Variants in HTR4 observed in about 807,000 individuals in gnomAD.
The protein encoded by HTR4 is 5-hydroxytryptamine receptor 4.
A neutral mutation model predicts 36.8 loss-of-function variants in HTR4; 16 were observed. The observed-to-expected ratio is 0.43, with a 90% CI of 0.29 to 0.66. The LOEUF is 0.66. Ranked by LOEUF, HTR4 falls within the 30% of genes least tolerant of loss-of-function variation. The pLI is 0.13. For missense variants in HTR4, 438 were observed against 490.9 expected (o/e 0.89, Z 1.02); for synonymous variants, 189 against 185.1 (o/e 1.02, Z -0.17).
chr5:148,557,470 A>G (rs1760006433), intron 2 of HTR4, among the ~76,000 whole-genome samples: 1 of 152,154 alleles, frequency 6.6e-6, no homozygotes, highest in African/African-American at 2.4e-5. Flanking sequence ...GACGTCAAGT[A>G]GGCAATTGGA....
intron 1 of HTR4, among the ~76,000 whole-genome samples, chr5:148,648,036 AATAG>A (rs1165644083): frequency 1.3e-5 from 2 of 152,228 alleles, no homozygotes; most frequent in Admixed American, 6.5e-5. Context: ...TGGATTGGTG[AATAG>A]ATAGACAGAA....
intron 2 of HTR4, among the ~76,000 whole-genome samples, chr5:148,565,390 A>C (rs2113872478): frequency 6.6e-6 from 1 of 152,272 alleles, no homozygotes; most frequent in Admixed American, 6.5e-5. Flanking sequence ...GAAAAGAGAT[A>C]ATGAGTAAGA....
chr5:148,509,811 G>C lies in HTR4; in HGVS notation c.721C>G (p.Gln241Glu). The change falls in exon 6 of 7, where the codon CAG (glutamine) becomes GAG (glutamate). Residue 241 changes from glutamine to glutamate, a missense_variant. Gln to Glu is a conservative substitution (Grantham distance 29). Transcript: ENST00000377888. ...RAGASSESRP[Q>E]SADQHSTHRM... ...TGAGTGCTATGCTGGTCTGCCGACT[G>C]AGGCCTGCTCTCGGAGGAGGCTCCT... 4 of 1,614,026 alleles carry C rather than the reference G, an allele frequency of 2.5e-6. No individual in the cohort carries two copies. The highest frequency in any genetic ancestry group is 3.4e-6 in the Non-Finnish European group (4 of 1,179,994).
intron 4 of HTR4, among the ~76,000 whole-genome samples, chr5:148,546,204 A>G (rs1431623644): frequency 6.6e-6 from 1 of 152,210 alleles, no homozygotes; most frequent in East Asian, 1.9e-4. Flanking sequence ...GCTAGTTACA[A>G]GAAACTGACA....
At chr5:148,592,405 A>T (rs545587843) in intron 2 of HTR4, among the ~76,000 whole-genome samples, 36 of 151,594 alleles carry the variant, frequency 2.4e-4, no homozygotes, top group African/African-American at 6.5e-4. Context: ...AAAAAAAGAA[A>T]TTTTTTTTTA....
chr5:148,611,067 T>A (rs1410644428), intron 2 of HTR4, among the ~76,000 whole-genome samples: 5 of 148,824 alleles, frequency 3.4e-5, no homozygotes, highest in Non-Finnish European at 7.4e-5. Flanking sequence ...TACCTGAAAG[T>A]GATGGGGAGA....
chr5:148,527,406 G>T (rs1188213915), intron 4 of HTR4, among the ~76,000 whole-genome samples: 4 of 152,032 alleles, frequency 2.6e-5, no homozygotes, highest in African/African-American at 4.8e-5. Context: ...CTTGCCCAGG[G>T]CTATTGCCAG....
intron 2 of HTR4, among the ~76,000 whole-genome samples, chr5:148,616,537 C>G (rs1752696352): frequency 6.6e-6 from 1 of 152,202 alleles, no homozygotes; most frequent in Non-Finnish European, 1.5e-5. Flanking sequence ...TTACCCTCTT[C>G]AGTTGCTGTG....
intron 1 of HTR4, among the ~76,000 whole-genome samples, chr5:148,649,127 G>T (rs1439927782): frequency 6.6e-6 from 1 of 152,054 alleles, no homozygotes; most frequent in Non-Finnish European, 1.5e-5. Flanking sequence ...CTCAGGAGTT[G>T]ATAGAAAAAT....
exon 6 of HTR4, chr5:148,451,236 G>C: frequency 1.9e-6 from 3 of 1,613,870 alleles, no homozygotes; most frequent in Non-Finnish European, 2.5e-6. Context: ...GCAGTTTCTC[G>C]AGTTCCTGAT....
chr5:148,503,586 A>G (rs1351813065), intron 6 of HTR4, among the ~76,000 whole-genome samples: 5 of 152,234 alleles, frequency 3.3e-5, no homozygotes, highest in African/African-American at 1.2e-4. Context: ...TGCATCAACT[A>G]ACGAGCAAAA....
Position 148,483,237 on chromosome 5 carries a change from G to A in HTR4, c.1133C>T (p.Ser378Phe). Reference protein sequence around the residue: ...WESQCHPPATSPLVAAQPSDT With the variant: ...WESQCHPPATFPLVAAQPSDT ...ACTGGGCTGAGCAGCCACCAAAGGA[G>A]AAGTTGCTGGCGGGTGACACTGACT... The change falls in exon 7 of 7, where the codon TCT becomes TTT. Residue 378 changes from serine to phenylalanine, a missense_variant. Ser to Phe is a radical substitution (Grantham distance 155). Transcript: ENST00000377888. The A allele has an allele frequency of 6.2e-7, 1 of 1,614,068 alleles. No homozygotes were observed. The highest frequency in any genetic ancestry group is 8.5e-7 in the Non-Finnish European group (1 of 1,179,966).
intron 5 of HTR4, among the ~76,000 whole-genome samples, chr5:148,514,628 C>T (rs1486835303): frequency 6.6e-6 from 1 of 152,130 alleles, no homozygotes; most frequent in African/African-American, 2.4e-5. Context: ...TGAATATACA[C>T]ATGCATGAAG....
At chr5:148,500,475 AT>A (rs1756886885) in intron 6 of HTR4, among the ~76,000 whole-genome samples, 1 of 152,006 alleles carries the variant, frequency 6.6e-6, no homozygotes, top group Non-Finnish European at 1.5e-5. Context: ...GGTAGGAAGT[AT>A]TTTAAGAAGG....
intron 6 of HTR4, among the ~76,000 whole-genome samples, chr5:148,503,557 A>T (rs561061415): frequency 2.0e-5 from 3 of 152,360 alleles, no homozygotes; most frequent in Non-Finnish European, 2.9e-5. Context: ...TGTAAAGACT[A>T]TCAAGGCTAG....
intron 1 of HTR4, among the ~76,000 whole-genome samples, chr5:148,647,142 T>C (rs570235202): frequency 2.0e-5 from 3 of 152,346 alleles, no homozygotes; most frequent in African/African-American, 4.8e-5. Context: ...ACCTGTCTTA[T>C]AGACCTGCTA....
chr5:148,625,886 C>CTT (rs564951602), intron 2 of HTR4, among the ~76,000 whole-genome samples: 6 of 142,330 alleles, frequency 4.2e-5, no homozygotes, highest in South Asian at 2.3e-4. Context: ...GCTGCAAAGC[C>CTT]TTTTTTTTTT....
intron 2 of HTR4, among the ~76,000 whole-genome samples, chr5:148,636,043 C>A (rs777111321): frequency 6.6e-6 from 1 of 152,126 alleles, no homozygotes; most frequent in Non-Finnish European, 1.5e-5. Flanking sequence ...TAAATACCCA[C>A]CATGTACCAG....
intron 2 of HTR4, among the ~76,000 whole-genome samples, chr5:148,572,296 A>G (rs1189247081): frequency 6.6e-6 from 1 of 152,096 alleles, no homozygotes. Flanking sequence ...TATCGTCACA[A>G]CAGCCTATGG....
Sources: gnomAD v4.1 joint callset for allele counts (sites outside exome capture counted in the v4.1 genomes callset) on GRCh38, gnomAD v4.1.1 for gene constraint, MANE v1.5 for transcripts, NCBI Gene and HGNC (gene_info 2026-07-23, HGNC 2026-07-21) for gene names.